GALNTL6: variants seen among roughly 807,000 people sequenced by gnomAD.
GALNTL6 encodes polypeptide N-acetylgalactosaminyltransferase like 6, also known as polypeptide N-acetylgalactosaminyltransferase-like 6.
A neutral mutation model predicts 73.7 loss-of-function variants in GALNTL6; 46 were observed. The observed-to-expected ratio is 0.62, with a 90% CI of 0.49 to 0.80. The LOEUF (loss-of-function observed/expected upper bound fraction) is 0.80. GALNTL6 is among the 30% of genes least tolerant of loss of function. GALNTL6 has a pLI of 0.00. For missense variants in GALNTL6, 604 were observed against 755.0 expected (o/e 0.80, Z 2.34); for synonymous variants, 259 against 263.7 (o/e 0.98, Z 0.17).
At chr4:172,903,415 T>C (rs946954567) in intron 8 of GALNTL6, among the ~76,000 whole-genome samples, 1 of 152,130 alleles carries the variant, frequency 6.6e-6, no homozygotes, top group African/African-American at 2.4e-5. Context: ...CCATATAACA[T>C]GCAAGCTTAA....
chr4:172,476,911 G>A (rs1220301205), intron 5 of GALNTL6, among the ~76,000 whole-genome samples: 1 of 145,650 alleles, frequency 6.9e-6, no homozygotes, highest in Non-Finnish European at 1.5e-5. Context: ...ACATAAATAT[G>A]GCTTAAGAGA....
intron 5 of GALNTL6, among the ~76,000 whole-genome samples, chr4:172,721,813 T>A (rs987445903): frequency 1.3e-5 from 2 of 152,192 alleles, no homozygotes; most frequent in Non-Finnish European, 2.9e-5. Flanking sequence ...CTCTCTCTAC[T>A]TCTCGTTATG....
At chr4:172,322,835 A>G (rs1006945525) in intron 4 of GALNTL6, among the ~76,000 whole-genome samples, 3 of 152,156 alleles carry the variant, frequency 2.0e-5, no homozygotes, top group South Asian at 4.1e-4. Flanking sequence ...AATCATATCA[A>G]TGGAGAATAA....
intron 4 of GALNTL6, among the ~76,000 whole-genome samples, chr4:172,346,583 C>G (rs1442298485): frequency 1.3e-5 from 2 of 152,182 alleles, no homozygotes; most frequent in Non-Finnish European, 2.9e-5. Flanking sequence ...TTATAGCACT[C>G]TATTAATCTT....
intron 10 of GALNTL6, among the ~76,000 whole-genome samples, chr4:172,955,749 C>T (rs1749708405): frequency 6.6e-6 from 1 of 150,628 alleles, no homozygotes; most frequent in Non-Finnish European, 1.5e-5. Context: ...GGGCTGAGTC[C>T]GAAAAGAAGG....
At chr4:171,959,911 T>G (rs951053044) in intron 2 of GALNTL6, among the ~76,000 whole-genome samples, 1 of 152,238 alleles carries the variant, frequency 6.6e-6, no homozygotes, top group African/African-American at 2.4e-5. Flanking sequence ...TATTTCATAT[T>G]TTTTAGTCAG....
intron 2 of GALNTL6, among the ~76,000 whole-genome samples, chr4:172,152,894 G>A (rs1734143455): frequency 6.6e-6 from 1 of 152,196 alleles, no homozygotes; most frequent in South Asian, 2.1e-4. Context: ...ACAGGCGTGA[G>A]CCACCGTGCC....
chr4:172,867,991 AG>A (rs1163949945), intron 7 of GALNTL6, among the ~76,000 whole-genome samples: 1 of 152,224 alleles, frequency 6.6e-6, no homozygotes, highest in East Asian at 1.9e-4. Context: ...TTGCATATTT[AG>A]TACCCCAAGG....
chr4:171,923,689 G>A (rs1578976132), intron 2 of GALNTL6, among the ~76,000 whole-genome samples: 1 of 151,112 alleles, frequency 6.6e-6, no homozygotes, highest in South Asian at 2.1e-4. Flanking sequence ...TACAGGTGTG[G>A]ACCCTGACAT....
intron 5 of GALNTL6, among the ~76,000 whole-genome samples, chr4:172,513,913 G>A (rs145958094): frequency 6.6e-6 from 1 of 152,302 alleles, no homozygotes; most frequent in African/African-American, 2.4e-5. Flanking sequence ...AAGTTGTCAT[G>A]TAGACATACT....
rs118015330 is a variant in GALNTL6 at position 172,791,060 on chromosome 4, G to A, written c.554-18301G>A. On this transcript the variant is annotated intron_variant, in intron 5 of 12. Coordinates refer to ENST00000506823, the MANE Select transcript of GALNTL6 (RefSeq NM_001034845.3). The stretch of plus-strand genomic sequence containing the variant: ...AGAACCATGGAATTCATGCTGGATA[G>A]AGATGGAACAGACATCCAGAGAAAA... Among the ~76,000 whole-genome samples, 34 of 152,320 alleles carry A rather than the reference G, an allele frequency of 2.2e-4. 1 individual carries two copies. The East Asian group carries it at 6.4e-3, about 29-fold the overall frequency.
At chr4:172,952,683 T>G (rs577804524) in intron 10 of GALNTL6, among the ~76,000 whole-genome samples, 6 of 152,292 alleles carry the variant, frequency 3.9e-5, no homozygotes, top group Admixed American at 2.6e-4. Context: ...ACTCAGCTAA[T>G]TTTTGTATTT....
chr4:172,406,158 A>G (rs1744231079), intron 5 of GALNTL6, among the ~76,000 whole-genome samples: 1 of 151,868 alleles, frequency 6.6e-6, no homozygotes, highest in Admixed American at 6.6e-5. Flanking sequence ...AATAATACAC[A>G]TTTTATCTGT....
intron 5 of GALNTL6, among the ~76,000 whole-genome samples, chr4:172,704,429 T>G (rs1298207242): frequency 6.6e-6 from 1 of 151,974 alleles, no homozygotes; most frequent in Non-Finnish European, 1.5e-5. Flanking sequence ...TTTTTTTAAT[T>G]TCCTTTTTAA....
chr4:172,045,462 A>G (rs1413559970), intron 2 of GALNTL6, among the ~76,000 whole-genome samples: 1 of 152,096 alleles, frequency 6.6e-6, no homozygotes. Flanking sequence ...CATAAACATT[A>G]TAAGTCAGGT....
intron 2 of GALNTL6, chr4:171,814,979 C>T: frequency 1.9e-6 from 1 of 539,404 alleles, no homozygotes. Flanking sequence ...CACCATTGGT[C>T]TTAGGTTGAT....
At chr4:172,323,476 AC>A in intron 4 of GALNTL6, among the ~76,000 whole-genome samples, 1 of 152,170 alleles carries the variant, frequency 6.6e-6, no homozygotes, top group Non-Finnish European at 1.5e-5. Flanking sequence ...CATGTTTGTC[AC>A]TACCCAGGTG....
In GALNTL6 at chr4:172,052,536, C is replaced by T. The variant is rs76226489; in HGVS notation, c.139-177120C>T. The T allele has an allele frequency of 1.8e-3, 2,813 of 1,532,524 alleles. 7 individuals are homozygous for T. Among genetic ancestry groups the T allele is most frequent in the Middle Eastern group, 2.9e-3 (17 of 5,960 alleles). 94.9% of individuals were successfully genotyped at this position (1,532,524 alleles called of 1,614,324 possible). On this transcript the variant is annotated intron_variant, in intron 2 of 12. Coordinates refer to ENST00000506823, the MANE Select transcript of GALNTL6 (RefSeq NM_001034845.3). ...GTGCATGAGCTGGTTTACCAGGTAA[C>T]CGGTAAAAAGCAAACGGCTGCAGTG... is the stretch of plus-strand genomic sequence containing the variant.
At chr4:172,895,402 A>ATTT in intron 8 of GALNTL6, among the ~76,000 whole-genome samples, 1 of 114,390 alleles carries the variant, frequency 8.7e-6, no homozygotes, top group African/African-American at 3.7e-5. Context: ...ATATATATAT[A>ATTT]TTTTTTTTTT....
Sources: allele counts gnomAD v4.1 joint callset (sites outside exome capture counted in the v4.1 genomes callset), GRCh38; gene constraint gnomAD v4.1.1; transcripts MANE v1.5; gene names NCBI Gene and HGNC (gene_info 2026-07-23, HGNC 2026-07-21).